Variants in CEACAM20 observed in about 807,000 individuals in gnomAD.
CEACAM20 encodes CEA cell adhesion molecule 20.
CEACAM20 carries 50 observed loss-of-function variants against 61.2 expected under a neutral mutation model. The ratio of observed to expected loss-of-function variants is 0.82; its 90% CI spans 0.65 to 1.03. The LOEUF (loss-of-function observed/expected upper bound fraction) is 1.03, where lower values mean the gene tolerates loss of function less well. CEACAM20 is among the 50% of genes least tolerant of loss of function. The pLI is 0.00. For missense variants in CEACAM20, 683 were observed against 736.4 expected, an observed-to-expected ratio of 0.93 and a Z score of 0.84; for synonymous variants, 282 against 287.7, an observed-to-expected ratio of 0.98 and a Z score of 0.20.
chr19:44,518,188 AGGC>A (rs1971249374), intron 5 of CEACAM20, among the ~76,000 whole-genome samples: 1 of 146,410 alleles, frequency 6.8e-6, no homozygotes, highest in Non-Finnish European at 1.5e-5. Context: ...GCAGGCAGGC[AGGC>A]AGGCAGGCAA....
intron 6 of CEACAM20, among the ~76,000 whole-genome samples, chr19:44,513,613 T>C (rs1156349087): frequency 2.0e-5 from 3 of 151,986 alleles, no homozygotes; most frequent in Admixed American, 2.0e-4. Flanking sequence ...ATTTTTTGTA[T>C]TCTTTGGTAG....
chr19:44,529,406 T>G, intron 1 of CEACAM20, 52 bp downstream of exon 1: 1 of 1,462,070 alleles, frequency 6.8e-7, no homozygotes, highest in Non-Finnish European at 9.5e-7. Flanking sequence ...CGCTGACAAA[T>G]AGATGCATAC....
At chr19:44,519,335 G>A (rs570477571) in intron 5 of CEACAM20, among the ~76,000 whole-genome samples, 1 of 152,316 alleles carries the variant, frequency 6.6e-6, no homozygotes, top group African/African-American at 2.4e-5. Flanking sequence ...TGCCCAACAT[G>A]TTGCTTAGCA....
chr19:44,527,310 T>G (rs1449859916), intron 1 of CEACAM20, among the ~76,000 whole-genome samples: 1 of 152,124 alleles, frequency 6.6e-6, no homozygotes, highest in Non-Finnish European at 1.5e-5. Flanking sequence ...TGATGATGAG[T>G]TCTTGTGTCT....
intron 6 of CEACAM20, among the ~76,000 whole-genome samples, chr19:44,514,711 G>A (rs1453802924): frequency 3.3e-5 from 5 of 151,734 alleles, no homozygotes; most frequent in East Asian, 2.0e-4. Context: ...CACCCTCCTC[G>A]ACCTCCCAAA....
rs761841554 is a variant in CEACAM20, at chr19:44,518,103, AAAGGAAGGAAGGAAGGAAGGAAGGAAGG to A, written c.1031-907_1031-880del. 3.5e-4 allele frequency among the ~76,000 whole-genome samples: 15 copies of A among 42,896 alleles called. 1 individual carries two copies. The highest frequency in any genetic ancestry group is 9.9e-4 in the South Asian group (1 of 1,012). 28.1% of individuals were successfully genotyped at this position (42,896 alleles called of 152,430 possible). On this transcript the variant is annotated intron_variant, in intron 5 of 11. Transcript: ENST00000614924. ...AGAGGAAAGAAAGAAAGAAAGAAAGAAAGGAAGGAAGGAAGGAAGGAAGGAAGGAAGGAAGGAAGGAAGGAAGGAAGGA... is the reference window on the plus strand; with the variant it reads ...AGAGGAAAGAAAGAAAGAAAGAAAGAAAGGAAGGAAGGAAGGAAGGAAGGA...
intron 10 of CEACAM20, among the ~76,000 whole-genome samples, 193 bp downstream of exon 10, chr19:44,511,444 G>A (rs1029636874): frequency 6.6e-6 from 1 of 152,188 alleles, no homozygotes; most frequent in Non-Finnish European, 1.5e-5. Context: ...TGGAAGGAAC[G>A]AAAGAGGATC....
intron 11 of CEACAM20, among the ~76,000 whole-genome samples, chr19:44,507,039 G>A (rs1234553564): frequency 6.6e-6 from 1 of 152,148 alleles, no homozygotes; most frequent in African/African-American, 2.4e-5. Flanking sequence ...CCTCCAGAAT[G>A]TAGCAGACAC....
chr19:44,511,143 A>T lies in CEACAM20; in HGVS notation c.1624T>A (p.Ser542Thr). ...PEETYETKLP[S>T]ASRRGNSFSP... is the part of the protein sequence containing the mutation. ...AAAGAATTGCCTCTACGGCTTGCTG[A>T]AGGCAGCTTCGTCTGCAAGTAAGCA... Residue 542 changes from serine (S) to threonine (T), a missense_variant, in exon 11 of 12, where the codon TCA becomes ACA. Coordinates refer to ENST00000614924, the MANE Select transcript of CEACAM20 (RefSeq NM_001102597.3). 1 of 1,613,578 alleles carries T rather than the reference A, an allele frequency of 6.2e-7. No homozygotes were observed. The highest frequency in any genetic ancestry group is 8.5e-7 in the Non-Finnish European group (1 of 1,179,792).
intron 3 of CEACAM20, among the ~76,000 whole-genome samples, chr19:44,523,116 G>A (rs1971419863): frequency 6.6e-6 from 1 of 152,168 alleles, no homozygotes; most frequent in Admixed American, 6.5e-5. Flanking sequence ...CACGTCTAAA[G>A]TATGCCAGCT....
chr19:44,515,842 C>T (rs1247228528), intron 6 of CEACAM20, among the ~76,000 whole-genome samples: 1 of 152,076 alleles, frequency 6.6e-6, no homozygotes, highest in Non-Finnish European at 1.5e-5. Context: ...TGGTGGTGCA[C>T]ACCTGTAGTC....
intron 1 of CEACAM20, 61 bp downstream of exon 1, chr19:44,529,397 G>A (rs1027422753): frequency 5.9e-6 from 7 of 1,184,084 alleles, no homozygotes; most frequent in Middle Eastern, 2.0e-4. Flanking sequence ...CACACACACC[G>A]CTGACAAATA....
Position 44,520,434 on chromosome 19 carries a change from A to G in CEACAM20, c.1030+40T>C, listed in dbSNP as rs773387053. On this transcript the variant is annotated intron_variant, in intron 5 of 11. Transcript: ENST00000614924. ...GGAAGAACTTAAAGAGAAGGAGGGA[A>G]GCAGGGAGATGGGGAAGGTCCAGGC... The G allele has an allele frequency of 3.1e-6, 5 of 1,593,976 alleles. No individual in the cohort carries two copies. The Admixed American group carries it at 6.8e-5, about 22-fold the overall frequency.
intron 4 of CEACAM20, among the ~76,000 whole-genome samples, chr19:44,522,028 A>G (rs1434187693): frequency 6.6e-6 from 1 of 152,010 alleles, no homozygotes; most frequent in Non-Finnish European, 1.5e-5. Flanking sequence ...CCTTCCCTGT[A>G]GTCGGAGCCC....
In CEACAM20 at chr19:44,516,511, T is replaced by A. The variant is rs536549296; in HGVS notation, c.1309+435A>T. On this transcript the variant is annotated intron_variant, in intron 6 of 11. Transcript: ENST00000614924. ...TTTTATAAAGGGTTTCCCCTTTTGC[T>A]TGGTTCTCATTCTCTCTTGTCTGCC... is the stretch of plus-strand genomic sequence containing the variant. Among the ~76,000 whole-genome samples the A allele has an allele frequency of 6.6e-5, 10 of 152,336 alleles. 1 individual carries two copies. The South Asian group carries it at 1.9e-3, about 28-fold the overall frequency.
At chr19:44,519,616 T>C (rs576290165) in intron 5 of CEACAM20, among the ~76,000 whole-genome samples, 45 of 152,320 alleles carry the variant, frequency 3.0e-4, no homozygotes, top group Non-Finnish European at 5.9e-4. Flanking sequence ...GACTCCTTTC[T>C]TTCTCTTTCA....
At chr19:44,523,448 TA>T (rs1971432605) in intron 3 of CEACAM20, among the ~76,000 whole-genome samples, 1 of 151,272 alleles carries the variant, frequency 6.6e-6, no homozygotes, top group South Asian at 2.1e-4. Context: ...AATGAATGAA[TA>T]AAGTGAGCCA....
intron 5 of CEACAM20, among the ~76,000 whole-genome samples, chr19:44,518,339 G>A (rs957120582): frequency 1.3e-5 from 2 of 152,232 alleles, no homozygotes; most frequent in South Asian, 2.1e-4. Context: ...GTATAAACAC[G>A]TGCAAATTTT....
In CEACAM20 at chr19:44,512,952, G is replaced by C; in HGVS notation, c.1429C>G (p.Pro477Ala). The C allele has an allele frequency of 6.2e-7, 1 of 1,611,220 alleles. No individual in the cohort carries two copies. Among genetic ancestry groups the C allele is most frequent in the Non-Finnish European group, 8.5e-7 (1 of 1,178,470 alleles). ...YFLCIRNARR[P>A]SRKTTEDPSH... ...GGGTCCTCTGTTGTTTTCCTTGAGG[G>C]CCTGAAACCCCAAAGCCCTCATTAT... The change falls in exon 8 of 12, where the codon CCC becomes GCC. Residue 477 changes from proline (P) to alanine (A), a missense_variant and splice_region_variant. Transcript: ENST00000614924.
Sources: gnomAD v4.1 joint callset for allele counts (sites outside exome capture counted in the v4.1 genomes callset) on GRCh38, gnomAD v4.1.1 for gene constraint, MANE v1.5 for transcripts, NCBI Gene and HGNC (gene_info 2026-07-23, HGNC 2026-07-21) for gene names.